The following CNTN5 variants were observed in gnomAD, a reference collection of about 807,000 sequenced individuals.
CNTN5 encodes the protein contactin-5.
A neutral mutation model predicts 129.1 loss-of-function variants in CNTN5; 77 were observed. The ratio of observed to expected loss-of-function variants is 0.60; its 90% confidence interval spans 0.50 to 0.72. The LOEUF is 0.72. Ranked by LOEUF, CNTN5 falls within the 30% of genes least tolerant of loss-of-function variation. CNTN5 has a pLI of 0.00. For missense variants in CNTN5, 1,478 were observed against 1,328.8 expected (o/e 1.11, Z -1.75); for synonymous variants, 509 against 465.6 (o/e 1.09, Z -1.20).
intron 1 of CNTN5, among the ~76,000 whole-genome samples, chr11:99,262,379 AATT>A (rs1862675163): frequency 1.3e-5 from 2 of 152,216 alleles, no homozygotes; most frequent in South Asian, 2.1e-4. Context: ...TCATGATGAT[AATT>A]ATTATGATAG....
At chr11:100,222,052 A>AG (rs1949276625) in intron 15 of CNTN5, among the ~76,000 whole-genome samples, 1 of 152,194 alleles carries the variant, frequency 6.6e-6, no homozygotes, top group Admixed American at 6.5e-5. Context: ...AAAGATCAGT[A>AG]AATCTACTGA....
intron 1 of CNTN5, among the ~76,000 whole-genome samples, chr11:99,137,769 G>T (rs1375697278): frequency 6.6e-6 from 1 of 152,024 alleles, no homozygotes; most frequent in East Asian, 1.9e-4. Flanking sequence ...TTTGTCTGTG[G>T]TCTTTTTTTC....
chr11:100,223,168 G>GAATT (rs1213930668), intron 15 of CNTN5, among the ~76,000 whole-genome samples: 1 of 152,120 alleles, frequency 6.6e-6, no homozygotes, highest in African/African-American at 2.4e-5. Context: ...TTCCTTGAAA[G>GAATT]AATTCTTATG....
intron 6 of CNTN5, among the ~76,000 whole-genome samples, chr11:99,911,225 A>G (rs1264712445): frequency 6.6e-6 from 1 of 152,056 alleles, no homozygotes; most frequent in Non-Finnish European, 1.5e-5. Flanking sequence ...ATTAAATCGT[A>G]TCTGTGTTCA....
At chr11:100,189,398 G>A (rs1014521481) in intron 13 of CNTN5, among the ~76,000 whole-genome samples, 1 of 151,826 alleles carries the variant, frequency 6.6e-6, no homozygotes, top group Non-Finnish European at 1.5e-5. Flanking sequence ...CAGTAAGAAA[G>A]CACTCCTCTT....
chr11:99,383,017 C>T (rs1048292211), intron 2 of CNTN5, among the ~76,000 whole-genome samples: 2 of 151,360 alleles, frequency 1.3e-5, no homozygotes, highest in African/African-American at 2.4e-5. Context: ...CCACGACGGC[C>T]AGCTAATTTT....
intron 9 of CNTN5, among the ~76,000 whole-genome samples, chr11:100,004,160 T>C (rs1940051924): frequency 6.6e-6 from 1 of 152,188 alleles, no homozygotes; most frequent in Admixed American, 6.5e-5. Flanking sequence ...TGGGCCTTTG[T>C]CTGTTGCAAA....
At chr11:99,237,263 G>C (rs936583344) in intron 1 of CNTN5, among the ~76,000 whole-genome samples, 2 of 152,034 alleles carry the variant, frequency 1.3e-5, no homozygotes, top group Non-Finnish European at 2.9e-5. Flanking sequence ...ATAATCTTCA[G>C]TATGTTAACA....
At chr11:100,329,004 C>T (rs192755242) in intron 21 of CNTN5, among the ~76,000 whole-genome samples, 9 of 152,214 alleles carry the variant, frequency 5.9e-5, no homozygotes, top group Non-Finnish European at 1.2e-4. Context: ...GGTTTTTCAA[C>T]GAGGAGGCAT....
chr11:99,218,013 CTT>C (rs913433175), intron 1 of CNTN5, among the ~76,000 whole-genome samples: 3 of 152,054 alleles, frequency 2.0e-5, no homozygotes, highest in Non-Finnish European at 4.4e-5. Context: ...TAGTGTAAAA[CTT>C]TTCACAAAAA....
intron 3 of CNTN5, among the ~76,000 whole-genome samples, chr11:99,669,385 T>C (rs1952935600): frequency 6.6e-6 from 1 of 151,950 alleles, no homozygotes; most frequent in South Asian, 2.1e-4. Flanking sequence ...CATTTCAAAC[T>C]AAATAGGAAA....
At chr11:99,905,291 T>C (rs568299265) in intron 6 of CNTN5, among the ~76,000 whole-genome samples, 2 of 152,352 alleles carry the variant, frequency 1.3e-5, no homozygotes, top group East Asian at 1.9e-4. Flanking sequence ...TTTAAGTCTT[T>C]AATCCAACTT....
chr11:99,042,607 C>T (rs1864043813), intron 1 of CNTN5, among the ~76,000 whole-genome samples: 1 of 151,924 alleles, frequency 6.6e-6, no homozygotes, highest in Non-Finnish European at 1.5e-5. Context: ...GACCTTCTGA[C>T]CTTGTGATCT....
intron 3 of CNTN5, among the ~76,000 whole-genome samples, chr11:99,744,318 CACAAACAA>C (rs757820784): frequency 1.3e-5 from 2 of 151,642 alleles, no homozygotes; most frequent in African/African-American, 4.8e-5. Flanking sequence ...CTCTGGCCCC[CACAAACAA>C]ACAAACAAAC....
intron 6 of CNTN5, among the ~76,000 whole-genome samples, chr11:99,907,449 A>G (rs796959133): frequency 4.1e-4 from 63 of 152,122 alleles, no homozygotes; most frequent in African/African-American, 1.5e-3. Context: ...CAAATAAGGA[A>G]CAAAACTATG....
At chr11:99,984,838 A>G (rs1253541743) in intron 8 of CNTN5, among the ~76,000 whole-genome samples, 1 of 152,214 alleles carries the variant, frequency 6.6e-6, no homozygotes, top group Non-Finnish European at 1.5e-5. Context: ...GAGCTGATGC[A>G]GAATATTTCA....
At chr11:99,987,542 TAC>T (rs1565757892) in intron 8 of CNTN5, among the ~76,000 whole-genome samples, 1 of 144,086 alleles carries the variant, frequency 6.9e-6, no homozygotes, top group Non-Finnish European at 1.5e-5. Flanking sequence ...TATATATATA[TAC>T]ACATACACAC....
At chr11:99,752,492 G>C (rs1419808715) in intron 3 of CNTN5, among the ~76,000 whole-genome samples, 1 of 152,116 alleles carries the variant, frequency 6.6e-6, no homozygotes, top group African/African-American at 2.4e-5. Flanking sequence ...TGGAATGTTA[G>C]GTAATTATTT....
intron 3 of CNTN5, among the ~76,000 whole-genome samples, chr11:99,583,474 C>G (rs1591315998): frequency 1.3e-5 from 2 of 152,334 alleles, no homozygotes; most frequent in Non-Finnish European, 2.9e-5. Context: ...GGGCTCCACC[C>G]AGTTTGAGCT....
Sources: gnomAD v4.1 joint callset for allele counts (sites outside exome capture counted in the v4.1 genomes callset) on GRCh38, gnomAD v4.1.1 for gene constraint, MANE v1.5 for transcripts, NCBI Gene and HGNC (gene_info 2026-07-23, HGNC 2026-07-21) for gene names.